TMEM272: variants seen among roughly 807,000 people sequenced by gnomAD.
The protein encoded by TMEM272 is long intergenic non-protein coding RNA 282.
In TMEM272, 8 loss-of-function variants were observed where a neutral mutation model predicts 3.7. That is an observed-to-expected ratio of 2.17 (90% CI 1.27 to 3.91). The LOEUF (loss-of-function observed/expected upper bound fraction) is 3.91. Ranked by LOEUF, TMEM272 falls within the 30% of genes most tolerant of loss-of-function variation. The pLI, the probability that TMEM272 is intolerant of heterozygous loss-of-function variation, is 0.00. For synonymous variants in TMEM272, 63 were observed against 39.8 expected, an observed-to-expected ratio of 1.58 and a Z score of -2.20; for missense variants, 166 against 91.5, an observed-to-expected ratio of 1.81 and a Z score of -3.32.
chr13:51,885,168 G>C, the TMEM272 span, among the ~76,000 whole-genome samples: 6 of 152,158 alleles, frequency 3.9e-5, no homozygotes, highest in Non-Finnish European at 8.8e-5. Context: ...TGTCTCTCTT[G>C]AAAGAGACCA....
intron 4 of TMEM272, among the ~76,000 whole-genome samples, chr13:51,821,701 AAGCAGC>A (rs1222524041): frequency 1.2e-4 from 3 of 25,378 alleles, no homozygotes; most frequent in African/African-American, 1.9e-4. Flanking sequence ...AAAAAAAAAA[AAGCAGC>A]AGCAGCAGCA....
chr13:51,919,080 T>C, the TMEM272 span, among the ~76,000 whole-genome samples: 1 of 152,068 alleles, frequency 6.6e-6, no homozygotes, highest in South Asian at 2.1e-4. Flanking sequence ...AATAAGTGCT[T>C]CCCAAGGCCC....
chr13:51,913,369 C>T, the TMEM272 span, among the ~76,000 whole-genome samples: 3 of 152,118 alleles, frequency 2.0e-5, no homozygotes, highest in African/African-American at 7.2e-5. Context: ...AGTATTGGCG[C>T]CAAAGAAATG....
At chr13:51,871,340 G>A in the TMEM272 span, among the ~76,000 whole-genome samples, 29 of 152,050 alleles carry the variant, frequency 1.9e-4, no homozygotes, top group East Asian at 4.4e-3. Context: ...ACAGGTGCCC[G>A]CCACCACACC....
chr13:51,884,573 C>A, the TMEM272 span, among the ~76,000 whole-genome samples: 3 of 152,164 alleles, frequency 2.0e-5, no homozygotes, highest in Non-Finnish European at 4.4e-5. Flanking sequence ...GTGTTTGACT[C>A]CTGACCCCTC....
At chr13:51,836,351 G>A (rs1255765962) in intron 2 of TMEM272, among the ~76,000 whole-genome samples, 1 of 152,138 alleles carries the variant, frequency 6.6e-6, no homozygotes, top group Admixed American at 6.5e-5. Flanking sequence ...CCTAGTCTGT[G>A]GTATTCTGTT....
intron 4 of TMEM272, among the ~76,000 whole-genome samples, chr13:51,820,413 C>T (rs1381813397): frequency 2.6e-5 from 4 of 152,206 alleles, no homozygotes; most frequent in Non-Finnish European, 5.9e-5. Context: ...GTTATGGACT[C>T]ACTGTATATT....
chr13:51,863,825 A>C, the TMEM272 span, among the ~76,000 whole-genome samples: 1 of 152,168 alleles, frequency 6.6e-6, no homozygotes, highest in Non-Finnish European at 1.5e-5. Context: ...GGTTGGTGAG[A>C]TCCACTGAGT....
chr13:51,925,259 A>G, the TMEM272 span, among the ~76,000 whole-genome samples: 1 of 152,186 alleles, frequency 6.6e-6, no homozygotes, highest in East Asian at 1.9e-4. Context: ...CAGGAACATC[A>G]CATTTCATCG....
At chr13:51,840,201 A>T (rs1296062032) in intron 1 of TMEM272, among the ~76,000 whole-genome samples, 1 of 152,010 alleles carries the variant, frequency 6.6e-6, no homozygotes, top group African/African-American at 2.4e-5. Flanking sequence ...CAAAGCCCAC[A>T]ATCTCTCCAC....
the TMEM272 span, among the ~76,000 whole-genome samples, chr13:51,925,426 T>A: frequency 6.6e-6 from 1 of 152,218 alleles, no homozygotes; most frequent in African/African-American, 2.4e-5. Context: ...TTAGAACAGA[T>A]GCTACCAAAG....
the TMEM272 span, among the ~76,000 whole-genome samples, chr13:51,925,190 C>A: frequency 2.0e-5 from 3 of 152,180 alleles, no homozygotes; most frequent in Admixed American, 2.0e-4. Flanking sequence ...CGTCTAGGCA[C>A]CCCCTAGCAA....
At chr13:51,898,916 A>G in the TMEM272 span, among the ~76,000 whole-genome samples, 1 of 152,010 alleles carries the variant, frequency 6.6e-6, no homozygotes, top group South Asian at 2.1e-4. Flanking sequence ...CTCTGCCTCA[A>G]TCCCTGCTCC....
intron 2 of TMEM272, 26 bp from the exon 3 acceptor site, chr13:51,826,651 C>G (rs566888982): frequency 2.8e-6 from 2 of 702,544 alleles, no homozygotes; most frequent in South Asian, 3.0e-5. Flanking sequence ...GGGGCAGGCA[C>G]TGGGTTAGAA....
At chr13:51,907,444 C>G in the TMEM272 span, among the ~76,000 whole-genome samples, 6 of 152,168 alleles carry the variant, frequency 3.9e-5, no homozygotes, top group African/African-American at 1.2e-4. Context: ...ACTTCATCAG[C>G]CTTCCACAGG....
chr13:51,905,276 C>T, the TMEM272 span, among the ~76,000 whole-genome samples: 1 of 152,212 alleles, frequency 6.6e-6, no homozygotes, highest in African/African-American at 2.4e-5. Context: ...AGAGGCAGGA[C>T]TTCAGAGCAA....
chr13:51,844,494 C>A (rs1453056033), intron 1 of TMEM272, among the ~76,000 whole-genome samples: 1 of 152,178 alleles, frequency 6.6e-6, no homozygotes, highest in African/African-American at 2.4e-5. Flanking sequence ...GTGCTGTTTT[C>A]TCTCCTAACC....
At chr13:51,836,102 T>C (rs1206449013) in intron 2 of TMEM272, among the ~76,000 whole-genome samples, 1 of 152,180 alleles carries the variant, frequency 6.6e-6, no homozygotes, top group Non-Finnish European at 1.5e-5. Context: ...TGCAAACGTG[T>C]TGGGAAGTGG....
chr13:51,861,594 T>C, the TMEM272 span, among the ~76,000 whole-genome samples: 1 of 152,070 alleles, frequency 6.6e-6, no homozygotes, highest in African/African-American at 2.4e-5. Flanking sequence ...TGAACGTAAC[T>C]TTAGAGACCT....
Sources: allele counts gnomAD v4.1 joint callset (sites outside exome capture counted in the v4.1 genomes callset), GRCh38; gene constraint gnomAD v4.1.1; transcripts MANE v1.5; gene names NCBI Gene and HGNC (gene_info 2026-07-23, HGNC 2026-07-21).